The following SORCS1 variants were observed in gnomAD, a reference collection of about 807,000 sequenced individuals.
SORCS1 encodes VPS10 domain-containing receptor SorCS1.
SORCS1 carries 60 observed loss-of-function variants against 146.1 expected under a neutral mutation model. The observed-to-expected ratio is 0.41, with a 90% CI of 0.33 to 0.51. The LOEUF (loss-of-function observed/expected upper bound fraction) is 0.51. Among genes scored for constraint, SORCS1 ranks in the 20% least tolerant of loss-of-function variants. The pLI, the probability that SORCS1 is intolerant of heterozygous loss-of-function variation, is 0.21. For synonymous variants in SORCS1, 637 were observed against 584.0 expected (o/e 1.09, Z -1.31); for missense variants, 1,352 against 1,487.6 (o/e 0.91, Z 1.50).
intron 2 of SORCS1, among the ~76,000 whole-genome samples, chr10:106,861,402 A>T (rs1344723786): frequency 1.4e-5 from 1 of 70,880 alleles, no homozygotes; most frequent in Non-Finnish European, 4.0e-5. Context: ...TCCGCCTTAA[A>T]AAAAAAAAAA....
At chr10:106,924,923 C>CT (rs1952938064) in intron 2 of SORCS1, among the ~76,000 whole-genome samples, 1 of 152,094 alleles carries the variant, frequency 6.6e-6, no homozygotes, top group African/African-American at 2.4e-5. Context: ...TTCAGATGTT[C>CT]TGATCTATGC....
intron 5 of SORCS1, among the ~76,000 whole-genome samples, chr10:106,752,082 T>C (rs1204368606): frequency 6.6e-6 from 1 of 152,226 alleles, no homozygotes; most frequent in Non-Finnish European, 1.5e-5. Context: ...CAGGTGAAAT[T>C]GTTTCTTGGA....
Position 107,164,383 on chromosome 10 carries a change from G to T in SORCS1, c.144C>A (p.Arg48=). ...CPSPHPSSAP[R]SASTPRGFSH... ...AAAAGCCCCTAGGGGTCGAGGCCGAGCGTGGAGCGGAGCTGGGGTGCGGCG... is the reference window on the plus strand; with the variant it reads ...AAAAGCCCCTAGGGGTCGAGGCCGATCGTGGAGCGGAGCTGGGGTGCGGCG... Residue 48 remains arginine, a synonymous_variant, in exon 1 of 26, where the codon CGC becomes CGA. Transcript: ENST00000263054. This position sits in a 1 kb window ranked among gnomAD's most constrained non-coding sequence, Gnocchi z 6.8. 6.8e-7 allele frequency: 1 copy of T among 1,461,020 alleles called. No individual in the cohort carries two copies. The allele number at this position is 1,461,020 out of a possible 1,614,324, so 90.5% of individuals were successfully genotyped here.
intron 1 of SORCS1, among the ~76,000 whole-genome samples, chr10:107,147,066 A>G (rs533029045): frequency 6.6e-6 from 1 of 152,208 alleles, no homozygotes; most frequent in South Asian, 2.1e-4. Flanking sequence ...AAATTCTATC[A>G]TACCCCAACT....
chr10:106,721,013 C>T (rs1193971111), intron 6 of SORCS1, among the ~76,000 whole-genome samples: 2 of 151,316 alleles, frequency 1.3e-5, no homozygotes, highest in East Asian at 3.9e-4. Flanking sequence ...AAGTGGATAT[C>T]ACTAGTCATT....
intron 3 of SORCS1, among the ~76,000 whole-genome samples, chr10:106,804,605 A>C: frequency 6.6e-6 from 1 of 152,128 alleles, no homozygotes; most frequent in East Asian, 1.9e-4. Flanking sequence ...AGAAATGCCA[A>C]ATGTAAGATG....
chr10:106,852,106 T>C (rs1208530289), intron 2 of SORCS1, among the ~76,000 whole-genome samples: 3 of 152,208 alleles, frequency 2.0e-5, no homozygotes, highest in Non-Finnish European at 2.9e-5. Context: ...ATTTTATACA[T>C]AGATGCTTCT....
intron 2 of SORCS1, among the ~76,000 whole-genome samples, chr10:106,835,279 GATGCTAA>G (rs1308077699): frequency 6.6e-6 from 1 of 152,186 alleles, no homozygotes; most frequent in African/African-American, 2.4e-5. Flanking sequence ...CATCAAATGG[GATGCTAA>G]ATAAACACAG....
chr10:106,724,185 G>T (rs947822151), intron 6 of SORCS1, among the ~76,000 whole-genome samples: 1 of 152,262 alleles, frequency 6.6e-6, no homozygotes, highest in East Asian at 1.9e-4. Context: ...ACAATTGAAA[G>T]TAATCTTGTA....
At chr10:107,088,199 T>C (rs1453104702) in intron 1 of SORCS1, among the ~76,000 whole-genome samples, 1 of 152,200 alleles carries the variant, frequency 6.6e-6, no homozygotes, top group Non-Finnish European at 1.5e-5. Flanking sequence ...GAATTTATTT[T>C]TTTTAAAGGC....
chr10:107,154,294 C>T (rs868460305), intron 1 of SORCS1, among the ~76,000 whole-genome samples: 20 of 152,096 alleles, frequency 1.3e-4, no homozygotes, highest in African/African-American at 2.4e-4. Context: ...TGAGCCACCA[C>T]GCCTGGCCTC....
At chr10:107,072,646 G>A (rs907545554) in intron 1 of SORCS1, among the ~76,000 whole-genome samples, 11 of 151,194 alleles carry the variant, frequency 7.3e-5, no homozygotes, top group Non-Finnish European at 1.5e-4. Context: ...CATGGCGAGA[G>A]GGAGAGAGAG....
intron 1 of SORCS1, among the ~76,000 whole-genome samples, chr10:107,092,883 G>GAAAAAAAAAAAAAAAAAAAAA (rs34184443): frequency 1.6e-5 from 1 of 61,516 alleles, no homozygotes; most frequent in African/African-American, 6.2e-5. Context: ...AGAAGACCAT[G>GAAAAAAAAAAAAAAAAAAAAA]AAAAAAAAAA....
chr10:107,057,327 A>G (rs150937769), intron 1 of SORCS1, among the ~76,000 whole-genome samples: 228 of 152,324 alleles, frequency 1.5e-3, no homozygotes, highest in African/African-American at 5.1e-3. Flanking sequence ...ACACAGAAAC[A>G]CACAACTCAG....
At chr10:106,721,754 A>T (rs1027454849) in intron 6 of SORCS1, among the ~76,000 whole-genome samples, 7 of 152,202 alleles carry the variant, frequency 4.6e-5, no homozygotes, top group Non-Finnish European at 7.3e-5. Context: ...CTCTTTCCGT[A>T]GTGTTTGCTG....
chr10:106,606,638 T>C (rs1271863343), intron 23 of SORCS1, among the ~76,000 whole-genome samples: 1 of 152,158 alleles, frequency 6.6e-6, no homozygotes, highest in East Asian at 1.9e-4. Context: ...ACACTGTAAA[T>C]AATTTAGCCG....
At chr10:106,912,968 C>T (rs1232955577) in intron 2 of SORCS1, among the ~76,000 whole-genome samples, 2 of 152,172 alleles carry the variant, frequency 1.3e-5, no homozygotes, top group Non-Finnish European at 2.9e-5. Context: ...GCATGAGCCA[C>T]TGCGCCCGGC....
chr10:106,995,422 C>A (rs567209127), intron 1 of SORCS1, among the ~76,000 whole-genome samples: 1 of 151,582 alleles, frequency 6.6e-6, no homozygotes, highest in African/African-American at 2.4e-5. Context: ...GGAAAAGTAA[C>A]GGGATTTGTT....
rs142840858 is a variant in SORCS1, at chr10:106,637,101, G to A, written c.2476-7713C>T. 1.8e-3 allele frequency among the ~76,000 whole-genome samples: 271 copies of A among 152,344 alleles called. 1 individual carries two copies. Among genetic ancestry groups the A allele is most frequent in the Middle Eastern group, 6.8e-3 (2 of 294 alleles). ...GTGAGTGTTTGACAAAGTCTGAGATGACTAATCAGGAAACAACTGTTGAAA... is the reference window on the plus strand; with the variant it reads ...GTGAGTGTTTGACAAAGTCTGAGATAACTAATCAGGAAACAACTGTTGAAA... On this transcript the variant is annotated intron_variant, in intron 18 of 25. Coordinates refer to ENST00000263054, the MANE Select transcript of SORCS1 (RefSeq NM_052918.5).
Sources: gnomAD v4.1 joint callset for allele counts (sites outside exome capture counted in the v4.1 genomes callset) on GRCh38, gnomAD v4.1.1 for gene constraint, Gnocchi (gnomAD v3.1) non-coding constraint, MANE v1.5 for transcripts, NCBI Gene and HGNC (gene_info 2026-07-23, HGNC 2026-07-21) for gene names.